Variants in CSNK1G1 observed in about 807,000 individuals in gnomAD.
CSNK1G1 encodes the protein casein kinase 1 gamma 1.
A neutral mutation model predicts 59.6 loss-of-function variants in CSNK1G1; 22 were observed. That is an observed-to-expected ratio of 0.37 (90% CI 0.26 to 0.53). CSNK1G1 has a LOEUF of 0.53. Ranked by LOEUF, CSNK1G1 falls within the 20% of genes least tolerant of loss-of-function variation. CSNK1G1 has a pLI of 0.89. For missense variants in CSNK1G1, 384 were observed against 519.5 expected, an observed-to-expected ratio of 0.74 and a Z score of 2.54; for synonymous variants, 179 against 177.1, an observed-to-expected ratio of 1.01 and a Z score of -0.08.
chr15:64,221,499 C>T (rs982767196), intron 4 of CSNK1G1, among the ~76,000 whole-genome samples: 1 of 152,058 alleles, frequency 6.6e-6, no homozygotes, highest in African/African-American at 2.4e-5. Flanking sequence ...TACCCTGAGA[C>T]CTCACAACAC....
chr15:64,348,878 T>C (rs1898120541), intron 1 of CSNK1G1, among the ~76,000 whole-genome samples: 1 of 152,158 alleles, frequency 6.6e-6, no homozygotes, highest in African/African-American at 2.4e-5. Flanking sequence ...ACACCTGTAA[T>C]CCCAGCACTT....
In CSNK1G1 at chr15:64,216,808, G is replaced by A; in HGVS notation, c.293-95C>T. ...AGCACTGAATAAAATATTTTTAAAA[G>A]TACAATTTGTGAGATTTCCATTTTC... On this transcript the variant is annotated intron_variant, in intron 4 of 11. Transcript: ENST00000303052. The surrounding 1 kb of genome is among the most constrained non-coding windows in gnomAD (Gnocchi z 4.6). 8.6e-7 allele frequency: 1 copy of A among 1,169,130 alleles called. No individual in the cohort carries two copies. Among genetic ancestry groups the A allele is most frequent in the Non-Finnish European group, 1.2e-6 (1 of 844,160 alleles). The allele number at this position is 1,169,130 out of a possible 1,614,324, so 72.4% of individuals were successfully genotyped here. A position where few individuals can be genotyped will look rare whatever the true frequency, so the allele number is the denominator to read the frequency against.
intron 1 of CSNK1G1, among the ~76,000 whole-genome samples, chr15:64,346,602 C>T (rs952677199): frequency 1.6e-4 from 24 of 151,976 alleles, no homozygotes; most frequent in African/African-American, 3.6e-4. Flanking sequence ...GGATTACAGA[C>T]GCACACCACC....
chr15:64,309,690 T>G (rs1895888532), intron 1 of CSNK1G1, among the ~76,000 whole-genome samples: 1 of 152,180 alleles, frequency 6.6e-6, no homozygotes, highest in African/African-American at 2.4e-5. Context: ...CCTGCCCTAA[T>G]TATCTGCCAT....
At chr15:64,302,695 T>A (rs1336414641) in intron 1 of CSNK1G1, among the ~76,000 whole-genome samples, 2 of 152,192 alleles carry the variant, frequency 1.3e-5, no homozygotes, top group Non-Finnish European at 1.5e-5. Flanking sequence ...TGGGAGTATG[T>A]CTATACGTGA....
chr15:64,258,097 T>C (rs1330355652), intron 3 of CSNK1G1, among the ~76,000 whole-genome samples: 1 of 151,912 alleles, frequency 6.6e-6, no homozygotes. Context: ...ACAGAACAAG[T>C]GTGGATGTGG....
rs961479447 is a variant in CSNK1G1 at position 64,167,428 on chromosome 15, C to T, written c.*4503G>A. ...GGGAAAGACTAGGAGTCTCTGCCAT[C>T]GACCTCTAGACAGGACTTCCCTGGA... is the stretch of plus-strand genomic sequence containing the variant. On this transcript the variant is annotated 3_prime_UTR_variant, in exon 12 of 12. Coordinates refer to ENST00000303052, the MANE Select transcript of CSNK1G1 (RefSeq NM_022048.5). 3 of 152,662 alleles carry T rather than the reference C, an allele frequency of 2.0e-5. No individual in the cohort carries two copies. Among genetic ancestry groups the T allele is most frequent in the African/African-American group, 7.2e-5 (3 of 41,462 alleles). The allele number at this position is 152,662 out of a possible 1,614,324, so 9.5% of individuals were successfully genotyped here.
At chr15:64,262,380 G>C (rs896161352) in intron 2 of CSNK1G1, among the ~76,000 whole-genome samples, 1 of 152,238 alleles carries the variant, frequency 6.6e-6, no homozygotes, top group Non-Finnish European at 1.5e-5. Flanking sequence ...AGTGAGTCCT[G>C]ACGGATGAAC....
Position 64,203,423 on chromosome 15 carries a change from C to T in CSNK1G1, c.1000-234G>A, listed in dbSNP as rs553176837. Among the ~76,000 whole-genome samples the T allele has an allele frequency of 4.6e-5, 7 of 152,122 alleles. No homozygotes were observed. In the East Asian group the frequency reaches 9.7e-4, roughly 21 times the overall value. On this transcript the variant is annotated intron_variant, in intron 9 of 11. Transcript: ENST00000303052. ...TCGAAAACAAAAAACCAGGGCCGGG[C>T]GCGGTGGCTCGTGCCTGTAATCTCA...
chr15:64,315,067 T>C (rs1596265160), intron 1 of CSNK1G1, among the ~76,000 whole-genome samples: 1 of 152,212 alleles, frequency 6.6e-6, no homozygotes, highest in African/African-American at 2.4e-5. Flanking sequence ...TTTTCCATAA[T>C]AGGAATACTA....
rs756544798 is a variant in CSNK1G1, at chr15:64,300,347, T to A, written c.153A>T (p.Gly51=). Residue 51 remains glycine (G), a synonymous_variant, in exon 2 of 12, where the codon GGA becomes GGT. Coordinates refer to ENST00000303052, the MANE Select transcript of CSNK1G1 (RefSeq NM_022048.5). The part of the protein sequence containing the change: ...GPNFRVGKKI[G]CGNFGELRLG... ...ATCTGAGCTCTCCGAAGTTCCCACA[T>A]CCTATCTTCTTGCCAACCCTGAAGT... The A allele has an allele frequency of 3.1e-6, 5 of 1,614,052 alleles. No individual in the cohort carries two copies. In the African/African-American group the frequency reaches 6.7e-5, roughly 22 times the overall value.
At position 64,199,819 on chromosome 15, in the gene CSNK1G1, C is replaced by T. The variant is rs190901946; in HGVS notation, c.1107+3263G>A. ...AGTGACGCGAGATCGCGCCACTGCA[C>T]ACCACCCTGGGCGACAGAGCAAGAC... On this transcript the variant is annotated intron_variant, in intron 10 of 11. Transcript: ENST00000303052. Among the ~76,000 whole-genome samples the T allele has an allele frequency of 3.0e-3, 452 of 151,978 alleles. 1 individual carries two copies. Among genetic ancestry groups the T allele is most frequent in the African/African-American group, 0.011 (437 of 41,462 alleles).
chr15:64,349,668 C>T (rs1898173938), intron 1 of CSNK1G1, among the ~76,000 whole-genome samples: 1 of 152,138 alleles, frequency 6.6e-6, no homozygotes, highest in South Asian at 2.1e-4. Context: ...AGTGCTATTT[C>T]AATTTCTCTG....
intron 11 of CSNK1G1, among the ~76,000 whole-genome samples, chr15:64,172,220 G>A (rs2081678335): frequency 2.0e-5 from 3 of 152,200 alleles, no homozygotes; most frequent in Non-Finnish European, 4.4e-5. Flanking sequence ...TCAAGATGGT[G>A]CAGGCTAGGC....
rs146882317 is a variant in CSNK1G1 at position 64,317,385 on chromosome 15, G to C, written c.-224-16662C>G. Among the ~76,000 whole-genome samples, 1,024 of 151,460 alleles carry C rather than the reference G, an allele frequency of 6.8e-3. 7 individuals are homozygous for C. The highest frequency in any genetic ancestry group is 0.011 in the Non-Finnish European group (751 of 67,810). On this transcript the variant is annotated intron_variant, in intron 1 of 11. Transcript: ENST00000303052. ...ATTACAGGCGTGAGCCACTGTGCCCGGCCTAAAGTTTTCTATAGAATTTTT... is the reference window on the plus strand; with the variant it reads ...ATTACAGGCGTGAGCCACTGTGCCCCGCCTAAAGTTTTCTATAGAATTTTT...
intron 1 of CSNK1G1, among the ~76,000 whole-genome samples, chr15:64,314,428 T>C (rs1331982758): frequency 6.6e-6 from 1 of 151,996 alleles, no homozygotes; most frequent in Non-Finnish European, 1.5e-5. Flanking sequence ...ATATAATATA[T>C]AATAATTAAA....
At chr15:64,333,908 T>C (rs911998103) in intron 1 of CSNK1G1, among the ~76,000 whole-genome samples, 4 of 152,154 alleles carry the variant, frequency 2.6e-5, no homozygotes, top group Admixed American at 2.0e-4. Flanking sequence ...GAACAATTAC[T>C]ACTAGACCTA....
At chr15:64,225,009 T>TC (rs1017587329) in intron 4 of CSNK1G1, among the ~76,000 whole-genome samples, 2 of 148,220 alleles carry the variant, frequency 1.3e-5, no homozygotes, top group African/African-American at 2.5e-5. Context: ...CACTTTTCTT[T>TC]TTTTTTTTTT....
intron 4 of CSNK1G1, among the ~76,000 whole-genome samples, chr15:64,240,769 T>C (rs1325409578): frequency 6.6e-6 from 1 of 152,042 alleles, no homozygotes. Flanking sequence ...AGACTGGACT[T>C]ACAAGAAATG....
Sources: allele counts gnomAD v4.1 joint callset (sites outside exome capture counted in the v4.1 genomes callset), GRCh38; gene constraint gnomAD v4.1.1; non-coding constraint Gnocchi (gnomAD v3.1); transcripts MANE v1.5; gene names NCBI Gene and HGNC (gene_info 2026-07-23, HGNC 2026-07-21).